Variants in PRKG1 observed in about 807,000 individuals in gnomAD.
The protein encoded by PRKG1 is protein kinase cGMP-dependent 1.
PRKG1 carries 35 observed loss-of-function variants against 88.1 expected under a neutral mutation model. That is an observed-to-expected ratio of 0.40 (90% CI 0.30 to 0.53). The LOEUF is 0.53. Ranked by LOEUF, PRKG1 falls within the 20% of genes least tolerant of loss-of-function variation. The pLI, the probability that PRKG1 is intolerant of heterozygous loss-of-function variation, is 0.59. For missense variants in PRKG1, 540 were observed against 839.8 expected (o/e 0.64, Z 4.41); for synonymous variants, 303 against 292.5 (o/e 1.04, Z -0.37).
At chr10:51,793,970 G>T (rs1838942020) in intron 3 of PRKG1, among the ~76,000 whole-genome samples, 1 of 151,980 alleles carries the variant, frequency 6.6e-6, no homozygotes, top group Non-Finnish European at 1.5e-5. Flanking sequence ...CACCATATTG[G>T]CCAGGCTGGT....
intron 3 of PRKG1, among the ~76,000 whole-genome samples, chr10:51,528,501 C>A (rs1363317270): frequency 5.9e-5 from 6 of 102,290 alleles, no homozygotes; most frequent in Non-Finnish European, 1.6e-4. Context: ...GAAGGAAAAT[C>A]ACTTAGCTTA....
At chr10:51,306,396 C>G (rs1841038647) in intron 2 of PRKG1, among the ~76,000 whole-genome samples, 1 of 152,148 alleles carries the variant, frequency 6.6e-6, no homozygotes, top group African/African-American at 2.4e-5. Flanking sequence ...CCCTCTTCAA[C>G]TTTCCATATA....
intron 9 of PRKG1, among the ~76,000 whole-genome samples, chr10:52,205,587 C>G (rs1026000667): frequency 6.6e-6 from 1 of 152,106 alleles, no homozygotes; most frequent in Non-Finnish European, 1.5e-5. Flanking sequence ...CCTTAAGAAC[C>G]TCTTGTAAGG....
chr10:52,176,176 T>C (rs1279466826), intron 9 of PRKG1, among the ~76,000 whole-genome samples: 8 of 138,590 alleles, frequency 5.8e-5, no homozygotes, highest in Admixed American at 2.8e-4. Flanking sequence ...TTTTTCTCTT[T>C]TTTTTTTTTT....
At chr10:52,049,681 A>C (rs538789341) in intron 5 of PRKG1, among the ~76,000 whole-genome samples, 16 of 152,214 alleles carry the variant, frequency 1.1e-4, no homozygotes, top group South Asian at 6.2e-4. Flanking sequence ...CAAGGGAAAA[A>C]AACAATGGGG....
At chr10:51,464,730 A>T (rs996865547) in intron 2 of PRKG1, among the ~76,000 whole-genome samples, 3 of 151,214 alleles carry the variant, frequency 2.0e-5, no homozygotes, top group Non-Finnish European at 4.4e-5. Flanking sequence ...TCTCTACTAA[A>T]AATACAAAAA....
chr10:52,025,039 G>A (rs1845297988), intron 5 of PRKG1, among the ~76,000 whole-genome samples: 2 of 152,256 alleles, frequency 1.3e-5, no homozygotes, highest in Middle Eastern at 3.4e-3. Context: ...GTGTGAGATG[G>A]TATCTCATTG....
intron 1 of PRKG1, among the ~76,000 whole-genome samples, chr10:51,078,590 ATATTTATTTATTTATTTATT>A (rs35676352): frequency 7.9e-4 from 108 of 137,306 alleles, no homozygotes; most frequent in African/African-American, 1.7e-4. Context: ...ATATTTATTT[ATATTTATTTATTTATTTATT>A]TATTTATTTA....
intron 5 of PRKG1, among the ~76,000 whole-genome samples, chr10:51,919,532 G>A (rs918207768): frequency 7.8e-6 from 1 of 128,898 alleles, no homozygotes; most frequent in Non-Finnish European, 1.8e-5. Context: ...CCATTCTGCA[G>A]ATTTTTTTTT....
rs567483248 is a variant in PRKG1 at position 52,045,333 on chromosome 10, G to A, written c.763-9151G>A. Among the ~76,000 whole-genome samples, 400 of 151,982 alleles carry A rather than the reference G, an allele frequency of 2.6e-3. 1 individual carries two copies. The highest frequency in any genetic ancestry group is 4.4e-3 in the Non-Finnish European group (300 of 67,946). ...TAATGGGTACCTCAGTAGAAACAAG[G>A]TCCTGAGACTACTATCAAGGTAGGT... On this transcript the variant is annotated intron_variant, in intron 5 of 17. Transcript: ENST00000373980.
chr10:51,746,617 G>C (rs1218291983), intron 3 of PRKG1, among the ~76,000 whole-genome samples: 1 of 151,970 alleles, frequency 6.6e-6, no homozygotes, highest in African/African-American at 2.4e-5. Context: ...CAGCTATTTG[G>C]GAGACTGAGG....
intron 1 of PRKG1, among the ~76,000 whole-genome samples, chr10:51,112,496 A>G (rs1055026177): frequency 1.3e-5 from 2 of 152,088 alleles, no homozygotes; most frequent in African/African-American, 2.4e-5. Context: ...CATCCTCATG[A>G]ATTTCTGAAT....
intron 7 of PRKG1, among the ~76,000 whole-genome samples, chr10:52,129,369 T>C (rs1837193849): frequency 6.6e-6 from 1 of 151,100 alleles, no homozygotes; most frequent in South Asian, 2.1e-4. Context: ...TAAATCACAG[T>C]GTTGTCAGCT....
At chr10:51,606,116 C>T (rs967908248) in intron 3 of PRKG1, among the ~76,000 whole-genome samples, 1 of 152,028 alleles carries the variant, frequency 6.6e-6, no homozygotes, top group African/African-American at 2.4e-5. Flanking sequence ...ATGGCTAAAC[C>T]TAGCTCAATA....
At chr10:52,041,004 T>C (rs896438319) in intron 5 of PRKG1, among the ~76,000 whole-genome samples, 2 of 151,728 alleles carry the variant, frequency 1.3e-5, no homozygotes, top group African/African-American at 4.8e-5. Context: ...GCCCTGCTTA[T>C]TTTTTTGCAT....
At chr10:51,073,974 C>G (rs992584851), upstream of PRKG1, among the ~76,000 whole-genome samples, 1 of 152,144 alleles carries the variant, frequency 6.6e-6, no homozygotes, top group Non-Finnish European at 1.5e-5. Context: ...TGCAGAGTCC[C>G]CTATGCCTCG....
chr10:51,682,014 A>G (rs1419420534), intron 3 of PRKG1, among the ~76,000 whole-genome samples: 2 of 152,182 alleles, frequency 1.3e-5, no homozygotes, highest in Non-Finnish European at 2.9e-5. Flanking sequence ...TTAGATAAAG[A>G]AAGCACATTT....
At chr10:51,689,806 C>G in intron 3 of PRKG1, among the ~76,000 whole-genome samples, 1 of 151,732 alleles carries the variant, frequency 6.6e-6, no homozygotes, top group Non-Finnish European at 1.5e-5. Flanking sequence ...AAGAGAAACT[C>G]CAAGTACAGA....
At chr10:51,900,271 A>C (rs1314342600) in intron 4 of PRKG1, among the ~76,000 whole-genome samples, 1 of 152,318 alleles carries the variant, frequency 6.6e-6, no homozygotes, top group Non-Finnish European at 1.5e-5. Flanking sequence ...GTTTACGATA[A>C]TAGCCTTTCA....
Sources: gnomAD v4.1 joint callset for allele counts (sites outside exome capture counted in the v4.1 genomes callset) on GRCh38, gnomAD v4.1.1 for gene constraint, MANE v1.5 for transcripts, NCBI Gene and HGNC (gene_info 2026-07-23, HGNC 2026-07-21) for gene names.